The following GOLPH3L variants were observed in gnomAD, a reference collection of about 807,000 sequenced individuals.
GOLPH3L encodes the protein golgi phosphoprotein 3 like.
Under a neutral mutation model 30.3 loss-of-function variants are expected in GOLPH3L, and 22 were observed. That is an observed-to-expected ratio of 0.73 (90% CI 0.52 to 1.04). The LOEUF (loss-of-function observed/expected upper bound fraction) is 1.04, where lower values mean the gene tolerates loss of function less well. Ranked by LOEUF, GOLPH3L falls within the 50% of genes least tolerant of loss-of-function variation. The pLI is 0.00. For synonymous variants in GOLPH3L, 120 were observed against 128.2 expected, an observed-to-expected ratio of 0.94 and a Z score of 0.43; for missense variants, 303 against 345.8, an observed-to-expected ratio of 0.88 and a Z score of 0.98.
At chr1:150,681,031 T>C (rs1288919599) in intron 2 of GOLPH3L, among the ~76,000 whole-genome samples, 1 of 151,930 alleles carries the variant, frequency 6.6e-6, no homozygotes, top group East Asian at 1.9e-4. Context: ...TCCCAGCTAC[T>C]CGGGAGGCTG....
intron 4 of GOLPH3L, among the ~76,000 whole-genome samples, chr1:150,652,185 T>A (rs955278795): frequency 6.6e-6 from 1 of 151,914 alleles, no homozygotes; most frequent in Non-Finnish European, 1.5e-5. Context: ...GTAGAAACTA[T>A]TAGCCAAGAA....
intron 2 of GOLPH3L, among the ~76,000 whole-genome samples, chr1:150,666,618 A>C (rs1032803777): frequency 5.3e-5 from 8 of 152,146 alleles, no homozygotes; most frequent in African/African-American, 1.9e-4. Context: ...AATTACAAGC[A>C]TGAGCCACCA....
chr1:150,648,259 A>T lies in GOLPH3L; in HGVS notation c.*62T>A. On this transcript the variant is annotated 3_prime_UTR_variant, in exon 5 of 5. Transcript: ENST00000271732. ...GAAAACATCTCATCACACAAAACTCAGTGATGGGGTCTCTGACAGTCACCA... is the reference window on the plus strand; with the variant it reads ...GAAAACATCTCATCACACAAAACTCTGTGATGGGGTCTCTGACAGTCACCA... The T allele has an allele frequency of 8.7e-7, 1 of 1,142,972 alleles. No individual in the cohort carries two copies. Among genetic ancestry groups the T allele is most frequent in the Non-Finnish European group, 1.3e-6 (1 of 793,794 alleles). The allele number at this position is 1,142,972 out of a possible 1,614,324, so 70.8% of individuals were successfully genotyped here. A position where few individuals can be genotyped will look rare whatever the true frequency, so the allele number is the denominator to read the frequency against.
At chr1:150,681,773 T>C (rs1650956542) in intron 2 of GOLPH3L, among the ~76,000 whole-genome samples, 1 of 152,116 alleles carries the variant, frequency 6.6e-6, no homozygotes, top group Non-Finnish European at 1.5e-5. Flanking sequence ...TTTTTGGTAA[T>C]TATGCATCTG....
intron 2 of GOLPH3L, among the ~76,000 whole-genome samples, chr1:150,676,634 ATTTTTTTTTTT>A (rs1225677880): frequency 1.7e-5 from 2 of 120,964 alleles, no homozygotes; most frequent in African/African-American, 6.3e-5. Context: ...CATACATTCT[ATTTTTTTTTTT>A]TTTTTTTTGA....
At position 150,647,890 on chromosome 1, in the gene GOLPH3L, T is replaced by C. The variant is rs1650020549; in HGVS notation, c.*431A>G. 1 of 157,050 alleles carries C rather than the reference T, an allele frequency of 6.4e-6. No homozygotes were observed. The highest frequency in any genetic ancestry group is 1.4e-5 in the Non-Finnish European group (1 of 71,550). 9.7% of individuals were successfully genotyped at this position (157,050 alleles called of 1,614,324 possible). A position where few individuals can be genotyped will look rare whatever the true frequency, so the allele number is the denominator to read the frequency against. ...CAATAAGCTACATTATTTAGCAGAG[T>C]CTGAGAGACAAAGGCTGTGAAAACA... On this transcript the variant is annotated 3_prime_UTR_variant, in exon 5 of 5. Coordinates refer to ENST00000271732, the MANE Select transcript of GOLPH3L (RefSeq NM_018178.6).
At chr1:150,648,782 G>A in intron 4 of GOLPH3L, 34 bp from the exon 5 acceptor site, 3 of 1,396,722 alleles carry the variant, frequency 2.1e-6, no homozygotes, top group Non-Finnish European at 3.0e-6. Context: ...ATAATGAACT[G>A]AAAGAGAAAA....
At chr1:150,669,807 C>CA (rs1650600765) in intron 2 of GOLPH3L, among the ~76,000 whole-genome samples, 1 of 150,720 alleles carries the variant, frequency 6.6e-6, no homozygotes, top group African/African-American at 2.4e-5. Context: ...ACTAAAAATA[C>CA]AAAAATTAGC....
chr1:150,671,787 C>T (rs1376696373), intron 2 of GOLPH3L, among the ~76,000 whole-genome samples: 4 of 111,092 alleles, frequency 3.6e-5, no homozygotes, highest in East Asian at 2.6e-4. Flanking sequence ...ACCTGGACAA[C>T]GAGAGCAAAA....
intron 2 of GOLPH3L, among the ~76,000 whole-genome samples, chr1:150,674,861 T>C (rs1650734812): frequency 6.6e-6 from 1 of 151,126 alleles, no homozygotes; most frequent in African/African-American, 2.4e-5. Flanking sequence ...CACTGCACTC[T>C]AGCCTGGGCA....
At chr1:150,656,939 T>C (rs757385654) in intron 4 of GOLPH3L, among the ~76,000 whole-genome samples, 2 of 152,240 alleles carry the variant, frequency 1.3e-5, no homozygotes, top group Non-Finnish European at 2.9e-5. Flanking sequence ...TTTTTACAGA[T>C]GGGTCTGGTA....
Position 150,648,410 on chromosome 1 carries a change from A to C in GOLPH3L, c.769T>G (p.Leu257Val). ...TCCACTTCAGGGTCCAGTTCTACTA[A>C]GTCCTTGGCTCGATTCATTGCCACA... is the stretch of plus-strand genomic sequence containing the variant. ...YDVAMNRAKD[L>V]VELDPEVEGT... is the part of the protein sequence containing the mutation. The change falls in exon 5 of 5, where the codon TTA becomes GTA. Residue 257 changes from leucine to valine, a missense_variant. Coordinates refer to ENST00000271732, the MANE Select transcript of GOLPH3L (RefSeq NM_018178.6). 6.2e-7 allele frequency: 1 copy of C among 1,613,742 alleles called. No homozygotes were observed. The highest frequency in any genetic ancestry group is 1.1e-5 in the South Asian group (1 of 91,064).
intron 4 of GOLPH3L, among the ~76,000 whole-genome samples, chr1:150,659,538 A>G (rs1650322759): frequency 6.6e-6 from 1 of 152,156 alleles, no homozygotes; most frequent in South Asian, 2.1e-4. Context: ...TACTTTTAGT[A>G]AACCTTATGA....
At chr1:150,681,057 T>C (rs1279464802) in intron 2 of GOLPH3L, among the ~76,000 whole-genome samples, 2 of 152,114 alleles carry the variant, frequency 1.3e-5, no homozygotes, top group African/African-American at 4.8e-5. Context: ...GGAGAACCAC[T>C]TGAACCTGGA....
intron 2 of GOLPH3L, chr1:150,694,149 G>A (rs901486283): frequency 4.0e-5 from 18 of 448,082 alleles, no homozygotes; most frequent in Admixed American, 7.4e-5. Flanking sequence ...GTGAGCCACC[G>A]CGTAATCCAA....
chr1:150,661,603 CT>C (rs1243501313), intron 4 of GOLPH3L, among the ~76,000 whole-genome samples: 1 of 152,032 alleles, frequency 6.6e-6, no homozygotes, highest in Non-Finnish European at 1.5e-5. Context: ...TATTTAAGGG[CT>C]TTTGGGGTGG....
chr1:150,681,116 G>A (rs1483263356), intron 2 of GOLPH3L, among the ~76,000 whole-genome samples: 1 of 152,214 alleles, frequency 6.6e-6, no homozygotes, highest in East Asian at 1.9e-4. Context: ...CAGTCTGGGT[G>A]ACAAGAGCAA....
At chr1:150,686,812 GAGA>G (rs2101817011) in intron 2 of GOLPH3L, among the ~76,000 whole-genome samples, 1 of 152,214 alleles carries the variant, frequency 6.6e-6, no homozygotes, top group East Asian at 1.9e-4. Context: ...AAGAATTAGG[GAGA>G]AGATCTTAAT....
At chr1:150,693,157 C>G (rs587755295) in intron 2 of GOLPH3L, among the ~76,000 whole-genome samples, 2 of 152,206 alleles carry the variant, frequency 1.3e-5, no homozygotes, top group South Asian at 4.1e-4. Context: ...ATAAGCATGT[C>G]TCTAATATTA....
Sources: allele counts gnomAD v4.1 joint callset (sites outside exome capture counted in the v4.1 genomes callset), GRCh38; gene constraint gnomAD v4.1.1; transcripts MANE v1.5; gene names NCBI Gene and HGNC (gene_info 2026-07-23, HGNC 2026-07-21).